The following PPP2R2B variants were observed in gnomAD, a reference collection of about 807,000 sequenced individuals.
PPP2R2B encodes protein phosphatase 2 regulatory subunit Bbeta.
PPP2R2B carries 5 observed loss-of-function variants against 46.0 expected under a neutral mutation model. That is an observed-to-expected ratio of 0.11 (90% confidence interval 0.06 to 0.23). PPP2R2B has a LOEUF of 0.23. Among genes scored for constraint, PPP2R2B ranks in the 10% least tolerant of loss-of-function variants. PPP2R2B has a pLI of 1.00. For synonymous variants in PPP2R2B, 215 were observed against 206.7 expected, an observed-to-expected ratio of 1.04 and a Z score of -0.34; for missense variants, 367 against 575.0, an observed-to-expected ratio of 0.64 and a Z score of 3.70.
At chr5:146,894,070 A>G (rs555455095) in intron 1 of PPP2R2B, among the ~76,000 whole-genome samples, 57 of 152,050 alleles carry the variant, frequency 3.7e-4, no homozygotes, top group African/African-American at 1.1e-3. Context: ...AACAACAACA[A>G]TCTGTCCATA....
chr5:146,894,383 T>TGCAGA (rs1762581653), intron 1 of PPP2R2B, among the ~76,000 whole-genome samples: 1 of 152,216 alleles, frequency 6.6e-6, no homozygotes, highest in African/African-American at 2.4e-5. Flanking sequence ...CAGGAAGGCT[T>TGCAGA]GCAGAGCCTA....
intron 2 of PPP2R2B, among the ~76,000 whole-genome samples, chr5:146,737,341 T>G (rs1752594580): frequency 6.6e-6 from 1 of 152,230 alleles, no homozygotes; most frequent in African/African-American, 2.4e-5. Context: ...TGCTTCATCT[T>G]GCCAGTAGCT....
At chr5:147,077,339 C>T (rs73310669) in intron 2 of PPP2R2B, among the ~76,000 whole-genome samples, 5,380 of 149,476 alleles carry the variant, frequency 0.036, 140 homozygotes, top group African/African-American at 0.066. Flanking sequence ...GCCCTTATAG[C>T]CATAATGGGT....
intron 1 of PPP2R2B, among the ~76,000 whole-genome samples, chr5:146,997,406 C>T (rs62377581): frequency 0.17 from 26,270 of 152,176 alleles, 2,933 homozygotes; most frequent in East Asian, 0.3. Context: ...GCAGTAAGCC[C>T]TCCAGGTAGA....
chr5:146,706,578 T>C (rs1779870234), intron 2 of PPP2R2B: 4 of 877,380 alleles, frequency 4.6e-6, no homozygotes, highest in South Asian at 3.9e-5. Flanking sequence ...CAGCTTAGCG[T>C]TGGCATCCTT....
At chr5:146,796,391 A>G (rs1756538157) in intron 2 of PPP2R2B, among the ~76,000 whole-genome samples, 1 of 152,172 alleles carries the variant, frequency 6.6e-6, no homozygotes, top group Non-Finnish European at 1.5e-5. Flanking sequence ...GATAAGTTTA[A>G]GTTATTATGA....
At position 146,602,079 on chromosome 5, in the gene PPP2R2B, T is replaced by A. The variant is rs922949880; in HGVS notation, c.791-1619A>T. Among the ~76,000 whole-genome samples the A allele has an allele frequency of 2.6e-5, 4 of 152,210 alleles. No individual in the cohort carries two copies. In the South Asian group the frequency reaches 8.3e-4, roughly 32 times the overall value. Reference sequence around the variant, plus strand: ...ACTGATCCAAATACTCTTTGATGCATATACCTCATCTACTACATATTATTT... The same window carrying A: ...ACTGATCCAAATACTCTTTGATGCAAATACCTCATCTACTACATATTATTT... On this transcript the variant is annotated intron_variant, in intron 7 of 9. Coordinates refer to ENST00000394411, the MANE Select transcript of PPP2R2B (RefSeq NM_181675.4).
At position 147,073,995 on chromosome 5, in the gene PPP2R2B, C is replaced by T. The variant is rs1482978254; in HGVS notation, c.50+7064G>A. Among the ~76,000 whole-genome samples the T allele has an allele frequency of 6.6e-5, 10 of 150,484 alleles. No homozygotes were observed. The East Asian group carries it at 1.8e-3, about 26-fold the overall frequency. On this transcript the variant is annotated intron_variant, in intron 2 of 10. Coordinates refer to the PPP2R2B transcript ENST00000394413. The stretch of plus-strand genomic sequence containing the variant: ...AGGTTGCAGTGAGCCAAGATCGCGC[C>T]ACTGCACTCCAGCCTGGGCGACATA...
chr5:146,700,717 C>T (rs569117249), intron 3 of PPP2R2B, among the ~76,000 whole-genome samples: 3 of 152,290 alleles, frequency 2.0e-5, no homozygotes, highest in East Asian at 3.9e-4. Context: ...GACTGAATTT[C>T]AATGGCTCTA....
chr5:146,993,064 T>G (rs767495180), intron 1 of PPP2R2B, among the ~76,000 whole-genome samples: 1 of 151,876 alleles, frequency 6.6e-6, no homozygotes, highest in African/African-American at 2.4e-5. Context: ...TGCCTCAGTC[T>G]CCTGAGTAGC....
intron 2 of PPP2R2B, among the ~76,000 whole-genome samples, chr5:147,070,025 G>T (rs534185237): frequency 4.6e-5 from 7 of 151,830 alleles, no homozygotes; most frequent in African/African-American, 7.3e-5. Context: ...TCCTGACCTC[G>T]TGATCTGCCT....
At chr5:146,699,661 GTTTTTTTTTT>G (rs11388336) in intron 3 of PPP2R2B, among the ~76,000 whole-genome samples, 2 of 118,056 alleles carry the variant, frequency 1.7e-5, no homozygotes, top group African/African-American at 3.3e-5. Context: ...AACTTAATTG[GTTTTTTTTTT>G]TTTTTTTTTT....
At chr5:146,717,514 A>G (rs1561855012) in intron 2 of PPP2R2B, among the ~76,000 whole-genome samples, 1 of 152,226 alleles carries the variant, frequency 6.6e-6, no homozygotes, top group African/African-American at 2.4e-5. Flanking sequence ...ATATGTCAGT[A>G]TTTTATCAGG....
intron 1 of PPP2R2B, among the ~76,000 whole-genome samples, chr5:147,013,055 C>T (rs867265720): frequency 7.0e-4 from 105 of 150,646 alleles, no homozygotes; most frequent in Non-Finnish European, 9.8e-4. Context: ...ACAAAATCAA[C>T]GTACAAAAAT....
intron 2 of PPP2R2B, among the ~76,000 whole-genome samples, chr5:146,809,235 T>C (rs998069996): frequency 2.0e-5 from 3 of 152,162 alleles, no homozygotes; most frequent in African/African-American, 7.2e-5. Flanking sequence ...AGGCAAATAA[T>C]GGAGACAGAA....
At chr5:146,636,694 T>TA (rs1427731756) in intron 7 of PPP2R2B, among the ~76,000 whole-genome samples, 1 of 152,198 alleles carries the variant, frequency 6.6e-6, no homozygotes, top group Non-Finnish European at 1.5e-5. Flanking sequence ...ATAATATAAG[T>TA]ACTCACTGAA....
chr5:146,940,852 G>A (rs1360369987), intron 1 of PPP2R2B, among the ~76,000 whole-genome samples: 1 of 152,128 alleles, frequency 6.6e-6, no homozygotes, highest in Non-Finnish European at 1.5e-5. Context: ...TAGTATCAGT[G>A]TAGTTACTCT....
At chr5:146,664,899 C>T (rs767611476) in intron 5 of PPP2R2B, among the ~76,000 whole-genome samples, 5 of 152,114 alleles carry the variant, frequency 3.3e-5, no homozygotes, top group African/African-American at 4.8e-5. Context: ...TCTTGGGTGA[C>T]TAGGTGCATT....
intron 2 of PPP2R2B, among the ~76,000 whole-genome samples, chr5:146,812,793 G>GTATATATATATATA (rs1201054676): frequency 8.3e-5 from 1 of 12,114 alleles, no homozygotes; most frequent in Non-Finnish European, 1.6e-4. Flanking sequence ...GTATATGTGT[G>GTATATATATATATA]TATATATATA....
Sources: gnomAD v4.1 joint callset for allele counts (sites outside exome capture counted in the v4.1 genomes callset) on GRCh38, gnomAD v4.1.1 for gene constraint, MANE v1.5 for transcripts, NCBI Gene and HGNC (gene_info 2026-07-23, HGNC 2026-07-21) for gene names.